The following EPHB2 variants were observed in gnomAD, a reference collection of about 807,000 sequenced individuals.
EPHB2 encodes the protein EPH receptor B2.
Under a neutral mutation model 96.4 loss-of-function variants are expected in EPHB2, and 18 were observed. The ratio of observed to expected loss-of-function variants is 0.19; its 90% CI spans 0.13 to 0.28. The LOEUF (loss-of-function observed/expected upper bound fraction) is 0.28. EPHB2 is among the 10% of genes least tolerant of loss of function. The pLI is 1.00. For missense variants in EPHB2, 989 were observed against 1,355.4 expected, an observed-to-expected ratio of 0.73 and a Z score of 4.25; for synonymous variants, 506 against 534.1, an observed-to-expected ratio of 0.95 and a Z score of 0.72.
At chr1:22,827,832 G>A (rs902725277) in intron 3 of EPHB2, among the ~76,000 whole-genome samples, 3 of 152,234 alleles carry the variant, frequency 2.0e-5, no homozygotes, top group Admixed American at 2.0e-4. Flanking sequence ...GGACTCAGGC[G>A]ACTGCAGAGA....
chr1:22,836,247 G>A (rs1208464659), intron 3 of EPHB2, among the ~76,000 whole-genome samples: 1 of 152,198 alleles, frequency 6.6e-6, no homozygotes, highest in Non-Finnish European at 1.5e-5. Context: ...CTTGCACCAG[G>A]GTGGGGGAGA....
intron 3 of EPHB2, among the ~76,000 whole-genome samples, chr1:22,814,375 C>T (rs1645043573): frequency 6.6e-6 from 1 of 152,044 alleles, no homozygotes; most frequent in Non-Finnish European, 1.5e-5. Flanking sequence ...TAATGCAAGT[C>T]GACATTCAGG....
At chr1:22,789,923 G>T (rs1293997381) in intron 3 of EPHB2, among the ~76,000 whole-genome samples, 1 of 152,142 alleles carries the variant, frequency 6.6e-6, no homozygotes, top group Admixed American at 6.5e-5. Flanking sequence ...GAGAAACCCT[G>T]ACACTCAGGG....
intron 1 of EPHB2, among the ~76,000 whole-genome samples, chr1:22,765,658 G>A (rs539652353): frequency 2.0e-5 from 3 of 151,142 alleles, no homozygotes; most frequent in Non-Finnish European, 2.9e-5. Context: ...CGAGCTTTCC[G>A]TCACTCTGAG....
chr1:22,815,536 C>T (rs1474876855), intron 3 of EPHB2, among the ~76,000 whole-genome samples: 1 of 152,210 alleles, frequency 6.6e-6, no homozygotes, highest in South Asian at 2.1e-4. Context: ...GTGTTGGGTG[C>T]AGCCAGCCCA....
chr1:22,824,039 T>A (rs1645188925), intron 3 of EPHB2, among the ~76,000 whole-genome samples: 1 of 151,698 alleles, frequency 6.6e-6, no homozygotes, highest in African/African-American at 2.4e-5. Flanking sequence ...GTGGAGAGAG[T>A]GAGTGGACAT....
chr1:22,841,516 T>C (rs1270690038), intron 3 of EPHB2, among the ~76,000 whole-genome samples: 1 of 152,124 alleles, frequency 6.6e-6, no homozygotes, highest in African/African-American at 2.4e-5. Flanking sequence ...GACTTCCCTC[T>C]CTGAGCCTCA....
chr1:22,905,734 C>G (rs934304981), intron 9 of EPHB2, among the ~76,000 whole-genome samples: 1 of 152,194 alleles, frequency 6.6e-6, no homozygotes, highest in Non-Finnish European at 1.5e-5. Context: ...CACTGTTGAT[C>G]AGTGAGAGTT....
In EPHB2 at chr1:22,757,672, G is replaced by C. The variant is rs191968279; in HGVS notation, c.62-23749G>C. 4.2e-3 allele frequency among the ~76,000 whole-genome samples: 632 copies of C among 152,116 alleles called. 4 individuals are homozygous for C. The highest frequency in any genetic ancestry group is 7.6e-3 in the Non-Finnish European group (520 of 68,006). On this transcript the variant is annotated intron_variant, in intron 1 of 15. Coordinates refer to ENST00000374630, the MANE Select transcript of EPHB2 (RefSeq NM_017449.5). ...AAGCCGGGAGTTCAAGACCAGCCTG[G>C]GTAACATGGCAAGACCCTGTCTCTA... is the stretch of plus-strand genomic sequence containing the variant.
intron 6 of EPHB2, chr1:22,891,244 A>G (rs1256201667): frequency 8.8e-6 from 4 of 455,016 alleles, no homozygotes; most frequent in African/African-American, 8.0e-5. Context: ...CCTCCATGCT[A>G]TAAAGCCTGT....
At chr1:22,728,905 G>A (rs1055990593) in intron 1 of EPHB2, among the ~76,000 whole-genome samples, 3 of 152,218 alleles carry the variant, frequency 2.0e-5, no homozygotes, top group Admixed American at 1.3e-4. Context: ...AGTGGCCTGC[G>A]GGAGGAGTGT....
At chr1:22,769,840 G>A (rs942081433) in intron 1 of EPHB2, among the ~76,000 whole-genome samples, 6 of 152,218 alleles carry the variant, frequency 3.9e-5, no homozygotes, top group Non-Finnish European at 7.3e-5. Context: ...ACAGGTAAAT[G>A]AATGGGCGAG....
chr1:22,916,232 C>T lies in EPHB2; in HGVS notation c.*2662C>T, dbSNP rs958434329. ...AGTTCTGTCTCCCCAGCCCACCCCCCAACTGTTCTGGGGCCCCACATGGGG... is the reference window on the plus strand; with the variant it reads ...AGTTCTGTCTCCCCAGCCCACCCCCTAACTGTTCTGGGGCCCCACATGGGG... On this transcript the variant is annotated 3_prime_UTR_variant, in exon 16 of 16. Coordinates refer to ENST00000374630, the MANE Select transcript of EPHB2 (RefSeq NM_017449.5). This position sits in a 1 kb window ranked among gnomAD's most constrained non-coding sequence, Gnocchi z 4.2. The T allele has an allele frequency of 6.6e-6, 1 of 152,358 alleles. No individual in the cohort carries two copies. Among genetic ancestry groups the T allele is most frequent in the Non-Finnish European group, 1.5e-5 (1 of 68,152 alleles). 9.4% of individuals were successfully genotyped at this position (152,358 alleles called of 1,614,324 possible).
intron 1 of EPHB2, among the ~76,000 whole-genome samples, chr1:22,779,035 G>A (rs1053976652): frequency 1.3e-5 from 2 of 152,178 alleles, no homozygotes; most frequent in Non-Finnish European, 2.9e-5. Context: ...CCCAAGCACA[G>A]TCTCTCCTCT....
At position 22,906,188 on chromosome 1, in the gene EPHB2, A is replaced by G; in HGVS notation, c.1888+79A>G. The G allele has an allele frequency of 1.2e-6, 2 of 1,603,246 alleles. No homozygotes were observed. The highest frequency in any genetic ancestry group is 1.7e-6 in the Non-Finnish European group (2 of 1,173,342). On this transcript the variant is annotated intron_variant, in intron 10 of 15. Coordinates refer to ENST00000374630, the MANE Select transcript of EPHB2 (RefSeq NM_017449.5). This position sits in a 1 kb window ranked among gnomAD's most constrained non-coding sequence, Gnocchi z 4.8. ...CCACCCCAATGTATACCCTTGGGGC[A>G]GAAGGTAGGATGTGGGACAGGCGCC... is the stretch of plus-strand genomic sequence containing the variant.
chr1:22,768,841 T>G (rs1644341563), intron 1 of EPHB2, among the ~76,000 whole-genome samples: 1 of 152,024 alleles, frequency 6.6e-6, no homozygotes, highest in Non-Finnish European at 1.5e-5. Context: ...GAGACACCTT[T>G]TCCCCTTCTC....
chr1:22,831,527 A>G (rs868150723), intron 3 of EPHB2, among the ~76,000 whole-genome samples: 2 of 151,938 alleles, frequency 1.3e-5, no homozygotes, highest in Non-Finnish European at 2.9e-5. Flanking sequence ...TCAGTCTACT[A>G]TTATTTCCAT....
chr1:22,827,377 C>T (rs1479001412), intron 3 of EPHB2, among the ~76,000 whole-genome samples: 2 of 152,224 alleles, frequency 1.3e-5, no homozygotes, highest in Non-Finnish European at 2.9e-5. Context: ...AGCAGGGGCC[C>T]GCAGGAGCAG....
chr1:22,851,571 G>A (rs1335390782), intron 3 of EPHB2, among the ~76,000 whole-genome samples: 3 of 152,194 alleles, frequency 2.0e-5, no homozygotes, highest in African/African-American at 4.8e-5. Context: ...CTCATTTATT[G>A]TGTGACCTTA....
Sources: gnomAD v4.1 joint callset for allele counts (sites outside exome capture counted in the v4.1 genomes callset) on GRCh38, gnomAD v4.1.1 for gene constraint, Gnocchi (gnomAD v3.1) non-coding constraint, MANE v1.5 for transcripts, NCBI Gene and HGNC (gene_info 2026-07-23, HGNC 2026-07-21) for gene names.